Variants in NTRK3 observed in about 807,000 individuals in gnomAD.
The protein encoded by NTRK3 is NT-3 growth factor receptor.
NTRK3 carries 24 observed loss-of-function variants against 91.7 expected under a neutral mutation model. The observed-to-expected ratio is 0.26, with a 90% CI of 0.19 to 0.37. The LOEUF (loss-of-function observed/expected upper bound fraction) is 0.37, where lower values mean the gene tolerates loss of function less well. Ranked by LOEUF, NTRK3 falls within the 10% of genes least tolerant of loss-of-function variation. The pLI is 1.00. For synonymous variants in NTRK3, 483 were observed against 404.0 expected (o/e 1.20, Z -2.34); for missense variants, 880 against 1,068.9 (o/e 0.82, Z 2.46).
At chr15:88,010,640 G>A (rs538095820) in intron 14 of NTRK3, among the ~76,000 whole-genome samples, 2 of 151,996 alleles carry the variant, frequency 1.3e-5, no homozygotes, top group East Asian at 3.9e-4. Context: ...TGAATAAGGA[G>A]AATTTTATTT....
intron 3 of NTRK3, among the ~76,000 whole-genome samples, chr15:88,214,898 G>C (rs533597138): frequency 1.3e-5 from 2 of 152,184 alleles, no homozygotes; most frequent in South Asian, 2.1e-4. Context: ...CCAGTGCCTA[G>C]AGCAGTGGCT....
At chr15:88,123,746 A>C (rs762105437) in intron 13 of NTRK3, among the ~76,000 whole-genome samples, 2 of 152,236 alleles carry the variant, frequency 1.3e-5, no homozygotes, top group Non-Finnish European at 2.9e-5. Context: ...AGTCATAGGC[A>C]TATTCAAAGA....
At chr15:88,002,642 G>A (rs1362910719) in intron 14 of NTRK3, among the ~76,000 whole-genome samples, 1 of 137,922 alleles carries the variant, frequency 7.3e-6, no homozygotes, top group Non-Finnish European at 1.6e-5. Flanking sequence ...AATAAAAAGA[G>A]ACAGTTTTTT....
intron 3 of NTRK3, among the ~76,000 whole-genome samples, chr15:88,242,181 A>G (rs550483645): frequency 1.3e-5 from 2 of 152,132 alleles, no homozygotes; most frequent in Non-Finnish European, 2.9e-5. Flanking sequence ...CCTTCCAAAT[A>G]AACTACCCAC....
rs1313858465 is a variant in NTRK3, at chr15:88,250,747, G to A, written c.248+5159C>T. Among the ~76,000 whole-genome samples, 4 of 152,142 alleles carry A rather than the reference G, an allele frequency of 2.6e-5. No homozygotes were observed. In the East Asian group the frequency reaches 7.7e-4, roughly 29 times the overall value. On this transcript the variant is annotated intron_variant, in intron 3 of 18. Coordinates refer to ENST00000394480, the Ensembl canonical transcript of NTRK3. ...CAAGTGCCAACCCTCCCAATCACAA[G>A]AGCAGTGGGTACCAAGCTGTATTGA...
At chr15:88,168,616 G>A (rs538538847) in intron 5 of NTRK3, among the ~76,000 whole-genome samples, 60 of 152,376 alleles carry the variant, frequency 3.9e-4, no homozygotes, top group African/African-American at 1.4e-3. Flanking sequence ...ATGGACAGCT[G>A]GCACAGGGAG....
At chr15:88,058,643 G>A (rs545629627) in intron 13 of NTRK3, among the ~76,000 whole-genome samples, 62 of 152,160 alleles carry the variant, frequency 4.1e-4, no homozygotes, top group African/African-American at 1.4e-3. Flanking sequence ...AGAACTATCC[G>A]GCTAACCCAG....
At chr15:88,239,555 G>A (rs1312115175) in intron 3 of NTRK3, among the ~76,000 whole-genome samples, 1 of 152,140 alleles carries the variant, frequency 6.6e-6, no homozygotes, top group Non-Finnish European at 1.5e-5. Flanking sequence ...CGCAGGTCAA[G>A]GCAGGTTCAG....
exon 19 of NTRK3, chr15:87,871,688 GT>G: frequency 4.4e-6 from 1 of 228,438 alleles, no homozygotes; most frequent in Non-Finnish European, 8.7e-6. Context: ...TCTGAGGCCA[GT>G]TCATCTCCAG....
intron 5 of NTRK3, among the ~76,000 whole-genome samples, chr15:88,165,900 G>A (rs1443741905): frequency 2.0e-5 from 3 of 152,150 alleles, no homozygotes; most frequent in African/African-American, 7.2e-5. Flanking sequence ...TGAGCAAGAA[G>A]TTGTCTTGAT....
At chr15:88,024,287 G>C (rs1247903271) in intron 14 of NTRK3, among the ~76,000 whole-genome samples, 4 of 152,184 alleles carry the variant, frequency 2.6e-5, no homozygotes, top group Non-Finnish European at 5.9e-5. Context: ...GGGCTGATAT[G>C]TTAGAGGGGA....
intron 3 of NTRK3, among the ~76,000 whole-genome samples, chr15:88,207,085 G>C (rs950364235): frequency 2.0e-5 from 3 of 152,228 alleles, no homozygotes; most frequent in African/African-American, 7.2e-5. Flanking sequence ...CCCCGACATT[G>C]TGGGTCCATC....
intron 16 of NTRK3, among the ~76,000 whole-genome samples, chr15:87,930,733 T>A (rs964250502): frequency 1.3e-5 from 2 of 152,160 alleles, no homozygotes; most frequent in African/African-American, 4.8e-5. Flanking sequence ...TCTCAGAGAA[T>A]TCTTTAGAAG....
chr15:88,211,091 C>T (rs1567654427), intron 3 of NTRK3, among the ~76,000 whole-genome samples: 1 of 152,226 alleles, frequency 6.6e-6, no homozygotes, highest in Non-Finnish European at 1.5e-5. Context: ...AATACACTCA[C>T]AATGTCATGC....
intron 13 of NTRK3, among the ~76,000 whole-genome samples, chr15:88,050,486 CGT>C (rs55943475): frequency 0.039 from 5,535 of 143,416 alleles, 128 homozygotes; most frequent in African/African-American, 0.072. Context: ...CAATATATAC[CGT>C]GTGTGTGTGT....
chr15:88,183,551 C>CTGAGGCTGGCAGGGGG (rs1597818080), intron 4 of NTRK3, 62 bp from the exon 5 acceptor site: 2 of 1,494,150 alleles, frequency 1.3e-6, no homozygotes, highest in Non-Finnish European at 1.9e-6. Flanking sequence ...CTGCTCTGGG[C>CTGAGGCTGGCAGGGGG]TGAGGCTGGC....
intron 14 of NTRK3, among the ~76,000 whole-genome samples, chr15:88,000,197 C>T (rs2076000042): frequency 6.6e-6 from 1 of 152,144 alleles, no homozygotes; most frequent in African/African-American, 2.4e-5. Flanking sequence ...TATTCACACT[C>T]TTTGTTAAAA....
At chr15:87,911,391 A>G (rs1377256365) in intron 17 of NTRK3, among the ~76,000 whole-genome samples, 1 of 152,218 alleles carries the variant, frequency 6.6e-6, no homozygotes, top group Non-Finnish European at 1.5e-5. Context: ...AGAGAAAAGC[A>G]AAACTTTGAG....
At chr15:88,127,471 C>T (rs2053412928) in intron 11 of NTRK3, among the ~76,000 whole-genome samples, 1 of 152,124 alleles carries the variant, frequency 6.6e-6, no homozygotes, top group Non-Finnish European at 1.5e-5. Flanking sequence ...GAATAAAGGA[C>T]ATTCAGTCCC....
Sources: gnomAD v4.1 joint callset for allele counts (sites outside exome capture counted in the v4.1 genomes callset) on GRCh38, gnomAD v4.1.1 for gene constraint, MANE v1.5 for transcripts, NCBI Gene and HGNC (gene_info 2026-07-23, HGNC 2026-07-21) for gene names.